Variants in SPMIP3 observed in about 807,000 individuals in gnomAD.
SPMIP3 encodes the protein sperm microtubule inner protein 3.
chr1:244,381,012 T>C, the SPMIP3 span, among the ~76,000 whole-genome samples: 1 of 151,044 alleles, frequency 6.6e-6, no homozygotes, highest in Non-Finnish European at 1.5e-5. Context: ...GGGAGGAGGC[T>C]GGGGCTGAGG....
At chr1:244,364,194 T>A in the SPMIP3 span, among the ~76,000 whole-genome samples, 1 of 151,882 alleles carries the variant, frequency 6.6e-6, no homozygotes, top group Admixed American at 6.6e-5. Flanking sequence ...AAGCTCCGCC[T>A]CCCGGGTTCA....
At chr1:244,370,781 G>C in the SPMIP3 span, among the ~76,000 whole-genome samples, 1 of 152,178 alleles carries the variant, frequency 6.6e-6, no homozygotes, top group Non-Finnish European at 1.5e-5. Flanking sequence ...TAGCGACATG[G>C]AGTTTGGAGA....
chr1:244,381,239 C>T, the SPMIP3 span, among the ~76,000 whole-genome samples: 6 of 152,178 alleles, frequency 3.9e-5, no homozygotes, highest in South Asian at 2.1e-4. Context: ...AATGGGGTTC[C>T]GGTCCCCACA....
chr1:244,375,354 C>A, the SPMIP3 span: 2 of 1,591,764 alleles, frequency 1.3e-6, no homozygotes, highest in Non-Finnish European at 1.7e-6. Flanking sequence ...CTTCTCACCT[C>A]CTCACTTTCT....
chr1:244,385,153 A>G, the SPMIP3 span, among the ~76,000 whole-genome samples: 1 of 152,142 alleles, frequency 6.6e-6, no homozygotes, highest in Non-Finnish European at 1.5e-5. Flanking sequence ...TCGGCTCCCC[A>G]AAGTGCTGGG....
chr1:244,383,029 T>A, the SPMIP3 span, among the ~76,000 whole-genome samples: 1 of 152,024 alleles, frequency 6.6e-6, no homozygotes. Context: ...TAAAGAGGAA[T>A]AAATGGATTC....
At chr1:244,381,164 T>C in the SPMIP3 span, among the ~76,000 whole-genome samples, 2 of 151,212 alleles carry the variant, frequency 1.3e-5, no homozygotes, top group African/African-American at 4.9e-5. Flanking sequence ...GTACGAGGCT[T>C]GGGGCAGTAG....
the SPMIP3 span, chr1:244,378,452 T>A: frequency 6.3e-7 from 1 of 1,593,968 alleles, no homozygotes; most frequent in Non-Finnish European, 8.5e-7. Context: ...GCAAACTACT[T>A]CTATTTCCAT....
the SPMIP3 span, among the ~76,000 whole-genome samples, chr1:244,362,843 C>CTTTTT: frequency 5.1e-5 from 6 of 117,566 alleles, no homozygotes; most frequent in Admixed American, 9.7e-5. Context: ...TCCCTGTGAA[C>CTTTTT]TTTTTTTTTT....
At chr1:244,373,459 C>T in the SPMIP3 span, among the ~76,000 whole-genome samples, 1 of 150,004 alleles carries the variant, frequency 6.7e-6, no homozygotes, top group Non-Finnish European at 1.5e-5. Context: ...GCTATGATCA[C>T]ACTGCACTAT....
the SPMIP3 span, among the ~76,000 whole-genome samples, chr1:244,376,173 C>A: frequency 6.6e-6 from 1 of 152,178 alleles, no homozygotes; most frequent in Non-Finnish European, 1.5e-5. Flanking sequence ...AGCATCTCTC[C>A]CCATTCAGTA....
the SPMIP3 span, among the ~76,000 whole-genome samples, chr1:244,361,564 T>G: frequency 6.6e-6 from 1 of 152,046 alleles, no homozygotes; most frequent in South Asian, 2.1e-4. Context: ...AAAGTGGAAT[T>G]AGAATGTTCC....
chr1:244,356,904 T>C, the SPMIP3 span, among the ~76,000 whole-genome samples: 6 of 147,888 alleles, frequency 4.1e-5, no homozygotes, highest in East Asian at 8.0e-4. Flanking sequence ...CCTTTCTTCT[T>C]TTCTTTTCTT....
At chr1:244,388,937 G>C in the SPMIP3 span, 4 of 1,596,936 alleles carry the variant, frequency 2.5e-6, no homozygotes, top group South Asian at 4.4e-5. Flanking sequence ...TCCTTAATTT[G>C]TTTTAAATTC....
At chr1:244,379,447 C>T in the SPMIP3 span, among the ~76,000 whole-genome samples, 1 of 151,982 alleles carries the variant, frequency 6.6e-6, no homozygotes, top group Non-Finnish European at 1.5e-5. Flanking sequence ...CTCAAGCAAT[C>T]CTCCTGCCTC....
chr1:244,362,843 CTTTTT>C, the SPMIP3 span, among the ~76,000 whole-genome samples: 2 of 117,568 alleles, frequency 1.7e-5, no homozygotes, highest in Non-Finnish European at 3.4e-5. Flanking sequence ...TCCCTGTGAA[CTTTTT>C]TTTTTTTTTT....
the SPMIP3 span, among the ~76,000 whole-genome samples, chr1:244,380,127 T>C: frequency 4.7e-5 from 3 of 63,538 alleles, no homozygotes; most frequent in South Asian, 6.5e-4. Context: ...GTTTTTCTTT[T>C]TTTTTTTTTT....
At chr1:244,374,789 G>A in the SPMIP3 span, among the ~76,000 whole-genome samples, 1 of 151,114 alleles carries the variant, frequency 6.6e-6, no homozygotes, top group Admixed American at 6.6e-5. Flanking sequence ...GTAGAGATGG[G>A]GTTTCACCAT....
chr1:244,357,401 G>C, the SPMIP3 span, among the ~76,000 whole-genome samples: 1 of 151,810 alleles, frequency 6.6e-6, no homozygotes, highest in African/African-American at 2.4e-5. Context: ...ACAAAGGAAT[G>C]TTAAATATTA....
Sources: gnomAD v4.1 joint callset for allele counts (sites outside exome capture counted in the v4.1 genomes callset) on GRCh38, gnomAD v4.1.1 for gene constraint, MANE v1.5 for transcripts, NCBI Gene and HGNC (gene_info 2026-07-23, HGNC 2026-07-21) for gene names.